The following IRAK2 variants were observed in gnomAD, a reference collection of about 807,000 sequenced individuals.
IRAK2 encodes interleukin-1 receptor-associated kinase-like 2.
IRAK2 carries 57 observed loss-of-function variants against 72.0 expected under a neutral mutation model. The ratio of observed to expected loss-of-function variants is 0.79; its 90% CI spans 0.64 to 0.99. IRAK2 has a LOEUF of 0.99. IRAK2 is among the 50% of genes least tolerant of loss of function. The probability of loss-of-function intolerance (pLI) is 0.00; values close to 1 mark genes in which losing one functional copy is unlikely to be tolerated. For missense variants in IRAK2, 790 were observed against 794.4 expected (o/e 0.99, Z 0.07); for synonymous variants, 293 against 312.7 (o/e 0.94, Z 0.67).
chr3:10,237,805 CAAAAAAAAAAA>C (rs751642671), intron 11 of IRAK2, among the ~76,000 whole-genome samples: 1 of 55,810 alleles, frequency 1.8e-5, no homozygotes, highest in Admixed American at 2.0e-4. Context: ...GACTCTGTCT[CAAAAAAAAAAA>C]AAAAAAAAAG....
chr3:10,203,288 C>T (rs1341371948), intron 3 of IRAK2, among the ~76,000 whole-genome samples: 1 of 152,228 alleles, frequency 6.6e-6, no homozygotes, highest in Admixed American at 6.5e-5. Context: ...TGAGCCACTG[C>T]ACCCAGCCCC....
At chr3:10,191,016 C>A (rs761044499) in intron 2 of IRAK2, among the ~76,000 whole-genome samples, 1 of 152,130 alleles carries the variant, frequency 6.6e-6, no homozygotes, top group Non-Finnish European at 1.5e-5. Context: ...CTGGCTAGGC[C>A]GGGCGCGGTG....
chr3:10,184,387 C>T (rs1697010288), intron 2 of IRAK2, among the ~76,000 whole-genome samples: 1 of 152,222 alleles, frequency 6.6e-6, no homozygotes, highest in Non-Finnish European at 1.5e-5. Context: ...ATACACCTGT[C>T]TTGACCTGCA....
intron 4 of IRAK2, among the ~76,000 whole-genome samples, chr3:10,210,014 G>T (rs916793570): frequency 2.6e-5 from 4 of 152,232 alleles, no homozygotes; most frequent in Non-Finnish European, 1.5e-5. Context: ...CCGCTTCCCG[G>T]GTTCAAGTGA....
chr3:10,189,723 C>A (rs1031038689), intron 2 of IRAK2, among the ~76,000 whole-genome samples: 4 of 152,076 alleles, frequency 2.6e-5, no homozygotes, highest in African/African-American at 9.7e-5. Context: ...AAATTTGGGG[C>A]TGCTATGTAA....
chr3:10,202,123 G>A (rs1328387800), intron 3 of IRAK2, among the ~76,000 whole-genome samples: 1 of 152,202 alleles, frequency 6.6e-6, no homozygotes, highest in African/African-American at 2.4e-5. Flanking sequence ...TCTAGGCCAA[G>A]GAGTCTGGAT....
chr3:10,169,736 A>AT (rs1696765838), intron 1 of IRAK2, among the ~76,000 whole-genome samples: 1 of 152,220 alleles, frequency 6.6e-6, no homozygotes, highest in African/African-American at 2.4e-5. Context: ...CAAACAATTT[A>AT]TACAGTTAAT....
At position 10,216,991 on chromosome 3, in the gene IRAK2, C is replaced by T. The variant is rs766627579; in HGVS notation, c.846C>T (p.His282=). The change falls in exon 7 of 13, where the codon CAC becomes CAT. Residue 282 remains histidine (H), a synonymous_variant. Transcript: ENST00000256458. ...GCTTCTGTGCTGCAAGACAGTTTCACAGCTTCATCTACCCCTACATGGCAA... is the reference window on the plus strand; with the variant it reads ...GCTTCTGTGCTGCAAGACAGTTTCATAGCTTCATCTACCCCTACATGGCAA... ...VLGFCAARQF[H]SFIYPYMANG... The T allele has an allele frequency of 5.6e-6, 9 of 1,614,194 alleles. No homozygotes were observed. The highest frequency in any genetic ancestry group is 7.6e-6 in the Non-Finnish European group (9 of 1,180,032).
chr3:10,218,415 C>A (rs1697637579), intron 7 of IRAK2, among the ~76,000 whole-genome samples: 1 of 135,014 alleles, frequency 7.4e-6, no homozygotes, highest in African/African-American at 2.8e-5. Flanking sequence ...CAAAGTGAGA[C>A]TCCGTCTCAA....
chr3:10,191,087 G>A (rs1267854192), intron 2 of IRAK2, among the ~76,000 whole-genome samples: 1 of 152,120 alleles, frequency 6.6e-6, no homozygotes, highest in Non-Finnish European at 1.5e-5. Flanking sequence ...AAGGTCAGGA[G>A]ATCGAGACCA....
chr3:10,238,870 T>C lies in IRAK2; in HGVS notation c.1596T>C (p.Val532=). The change falls in exon 12 of 13, where the codon GTT becomes GTC. Residue 532 remains valine (V), a synonymous_variant. Transcript: ENST00000256458. ...SSNTPEETDD[V]DNSSLDASSS... is the part of the protein sequence containing the mutation. Reference sequence around the variant, plus strand: ...ACACCCCAGAGGAAACAGACGACGTTGACAATTCCAGCCTTGATGCCTCCT... The same window carrying C: ...ACACCCCAGAGGAAACAGACGACGTCGACAATTCCAGCCTTGATGCCTCCT... 6.2e-7 allele frequency: 1 copy of C among 1,614,098 alleles called. No homozygotes were observed. Among genetic ancestry groups the C allele is most frequent in the Non-Finnish European group, 8.5e-7 (1 of 1,179,998 alleles).
intron 1 of IRAK2, among the ~76,000 whole-genome samples, chr3:10,175,793 G>A (rs1388237168): frequency 1.3e-5 from 2 of 151,294 alleles, no homozygotes; most frequent in Non-Finnish European, 2.9e-5. Context: ...GGGAGGCTGA[G>A]GCCGGAGAAT....
chr3:10,226,546 C>A lies in IRAK2; in HGVS notation c.1272+113C>A. 14 of 799,978 alleles carry A rather than the reference C, an allele frequency of 1.8e-5. 1 individual carries two copies. In the South Asian group the frequency reaches 2.2e-4, roughly 13 times the overall value. 49.6% of individuals were successfully genotyped at this position (799,978 alleles called of 1,614,324 possible). Reference sequence around the variant, plus strand: ...TTACACATGCAAATGAGGCCCGGTACAAGGTTGCATTTGCATCCCCACAAA... The same window carrying A: ...TTACACATGCAAATGAGGCCCGGTAAAAGGTTGCATTTGCATCCCCACAAA... On this transcript the variant is annotated intron_variant, in intron 10 of 12. Transcript: ENST00000256458.
chr3:10,165,284 A>C (rs1430051775), intron 1 of IRAK2, among the ~76,000 whole-genome samples: 3 of 152,082 alleles, frequency 2.0e-5, no homozygotes, highest in African/African-American at 7.2e-5. Context: ...CTGCGCTCTG[A>C]GTCCAGAGAA....
At chr3:10,230,146 A>G (rs1697837086) in intron 10 of IRAK2, among the ~76,000 whole-genome samples, 1 of 152,152 alleles carries the variant, frequency 6.6e-6, no homozygotes, top group Admixed American at 6.6e-5. Flanking sequence ...TCTGACAGGG[A>G]CATATCTCCA....
intron 1 of IRAK2, among the ~76,000 whole-genome samples, chr3:10,167,510 G>A (rs1696713963): frequency 6.6e-6 from 1 of 152,064 alleles, no homozygotes. Flanking sequence ...CACCTCCTGG[G>A]TTCATGCCAT....
At chr3:10,198,123 C>T (rs886220480) in intron 2 of IRAK2, among the ~76,000 whole-genome samples, 3 of 151,794 alleles carry the variant, frequency 2.0e-5, no homozygotes, top group Non-Finnish European at 4.4e-5. Context: ...GGCGTGAGCC[C>T]GAGAATCGGA....
At chr3:10,186,632 C>T (rs1327882368) in intron 2 of IRAK2, among the ~76,000 whole-genome samples, 1 of 151,520 alleles carries the variant, frequency 6.6e-6, no homozygotes, top group Non-Finnish European at 1.5e-5. Context: ...AGTAGTAGAA[C>T]TCAGAAAGGT....
At chr3:10,175,910 A>AG (rs1372974770) in intron 1 of IRAK2, among the ~76,000 whole-genome samples, 2 of 150,610 alleles carry the variant, frequency 1.3e-5, no homozygotes, top group Non-Finnish European at 3.0e-5. Flanking sequence ...AAAAAAAAAA[A>AG]AAAGAAAAGA....
Sources: allele counts gnomAD v4.1 joint callset (sites outside exome capture counted in the v4.1 genomes callset), GRCh38; gene constraint gnomAD v4.1.1; transcripts MANE v1.5; gene names NCBI Gene and HGNC (gene_info 2026-07-23, HGNC 2026-07-21).